Variants in PACSIN2 observed in about 807,000 individuals in gnomAD.
PACSIN2 encodes protein kinase C and casein kinase substrate in neurons protein 2.
Under a neutral mutation model 63.8 loss-of-function variants are expected in PACSIN2, and 25 were observed. The ratio of observed to expected loss-of-function variants is 0.39; its 90% confidence interval spans 0.29 to 0.55. The LOEUF is 0.55. Among genes scored for constraint, PACSIN2 ranks in the 20% least tolerant of loss-of-function variants. The pLI is 0.62. For missense variants in PACSIN2, 518 were observed against 646.9 expected, an observed-to-expected ratio of 0.80 and a Z score of 2.16; for synonymous variants, 255 against 256.2, an observed-to-expected ratio of 1.00 and a Z score of 0.05.
chr22:42,872,835 C>G (rs1157413998), intron 10 of PACSIN2, among the ~76,000 whole-genome samples: 2 of 152,282 alleles, frequency 1.3e-5, no homozygotes, highest in Non-Finnish European at 2.9e-5. Flanking sequence ...AGATCTAACC[C>G]AGAGGCATCA....
At chr22:43,000,289 T>C (rs1157503885) in intron 1 of PACSIN2, among the ~76,000 whole-genome samples, 1 of 152,114 alleles carries the variant, frequency 6.6e-6, no homozygotes, top group African/African-American at 2.4e-5. Context: ...AGGGAGTGGG[T>C]AGCAGGGCTT....
At chr22:42,991,708 G>A (rs2146904285) in intron 1 of PACSIN2, among the ~76,000 whole-genome samples, 1 of 151,114 alleles carries the variant, frequency 6.6e-6, no homozygotes, top group South Asian at 2.1e-4. Flanking sequence ...CAAGGGCTCA[G>A]AACCACAATT....
At chr22:42,899,327 C>T (rs1265026255) in intron 2 of PACSIN2, among the ~76,000 whole-genome samples, 1 of 151,994 alleles carries the variant, frequency 6.6e-6, no homozygotes, top group East Asian at 1.9e-4. Context: ...AGCTCTGTTG[C>T]CCAAGCTGAA....
Position 42,971,783 on chromosome 22 carries a change from C to T in PACSIN2, c.-78+43238G>A, listed in dbSNP as rs535618983. 2.6e-5 allele frequency among the ~76,000 whole-genome samples: 4 copies of T among 151,460 alleles called. No homozygotes were observed. In the East Asian group the frequency reaches 5.8e-4, roughly 22 times the overall value. Reference sequence around the variant, plus strand: ...GGGGTAGCCCCCGCCCGGCCAGCCGCCCCATCCGGGAGGGAGGTGGGGGGC... The same window carrying T: ...GGGGTAGCCCCCGCCCGGCCAGCCGTCCCATCCGGGAGGGAGGTGGGGGGC... On this transcript the variant is annotated intron_variant, in intron 1 of 10. Transcript: ENST00000263246.
chr22:42,986,047 A>AACAAC (rs1344283717), intron 1 of PACSIN2, among the ~76,000 whole-genome samples: 3 of 152,174 alleles, frequency 2.0e-5, no homozygotes, highest in Admixed American at 2.0e-4. Context: ...TGACTTTCCA[A>AACAAC]ACAACGATCC....
chr22:42,913,119 C>T (rs1422389523), intron 1 of PACSIN2, among the ~76,000 whole-genome samples: 1 of 152,184 alleles, frequency 6.6e-6, no homozygotes, highest in African/African-American at 2.4e-5. Context: ...AGACCCATTA[C>T]TTATGAGGTG....
At position 42,949,704 on chromosome 22, in the gene PACSIN2, ACT is replaced by A. The variant is rs547280326; in HGVS notation, c.-77-37549_-77-37548del. 1.0e-4 allele frequency among the ~76,000 whole-genome samples: 15 copies of A among 148,546 alleles called. No individual in the cohort carries two copies. The South Asian group carries it at 2.3e-3, about 23-fold the overall frequency. On this transcript the variant is annotated intron_variant, in intron 1 of 10. Coordinates refer to ENST00000263246, the MANE Select transcript of PACSIN2 (RefSeq NM_001184970.3). ...CACTCACACACACACACTCACACAC[ACT>A]CTCTCACACACACACACACAGGCAG...
In PACSIN2 at chr22:43,012,154, A is replaced by AATAAATAAATAC. The variant is rs766579102; in HGVS notation, c.-78+2866_-78+2867insGTATTTATTTAT. On this transcript the variant is annotated intron_variant, in intron 1 of 10. Coordinates refer to ENST00000263246, the MANE Select transcript of PACSIN2 (RefSeq NM_001184970.3). Reference sequence around the variant, plus strand: ...GCGAGACTCTGTCTCAAAATAAATAAATACATACATACATACATACATACA... The same window carrying AATAAATAAATAC: ...GCGAGACTCTGTCTCAAAATAAATAAATAAATAAATACATACATACATACATACATACATACA... Among the ~76,000 whole-genome samples, 6 of 134,006 alleles carry AATAAATAAATAC rather than the reference A, an allele frequency of 4.5e-5. No homozygotes were observed. In the East Asian group the frequency reaches 1.1e-3, roughly 25 times the overall value. 87.9% of individuals were successfully genotyped at this position (134,006 alleles called of 152,430 possible).
intron 2 of PACSIN2, among the ~76,000 whole-genome samples, chr22:42,899,085 C>A (rs1379859439): frequency 2.0e-5 from 3 of 152,160 alleles, no homozygotes; most frequent in African/African-American, 7.2e-5. Context: ...GTGCTCCCAA[C>A]CCCTAATACC....
intron 1 of PACSIN2, among the ~76,000 whole-genome samples, chr22:42,991,430 T>C (rs1923032390): frequency 6.6e-6 from 1 of 152,134 alleles, no homozygotes; most frequent in South Asian, 2.1e-4. Context: ...CACAGAAGGC[T>C]TCTTCTCCCT....
intron 1 of PACSIN2, among the ~76,000 whole-genome samples, chr22:42,985,507 C>T (rs1349482684): frequency 6.6e-6 from 1 of 152,232 alleles, no homozygotes; most frequent in Non-Finnish European, 1.5e-5. Context: ...AGGTCTAGGT[C>T]CAGGAGTGTC....
At chr22:42,939,376 A>T (rs1174367163) in intron 1 of PACSIN2, among the ~76,000 whole-genome samples, 1 of 152,244 alleles carries the variant, frequency 6.6e-6, no homozygotes, top group Non-Finnish European at 1.5e-5. Context: ...AAGGACAAAA[A>T]TGACACTTTT....
rs183765623 is a variant in PACSIN2 at position 42,952,743 on chromosome 22, A to G, written c.-77-40586T>C. Among the ~76,000 whole-genome samples, 746 of 149,050 alleles carry G rather than the reference A, an allele frequency of 5.0e-3. 4 individuals carry two copies. Among genetic ancestry groups the G allele is most frequent in the Middle Eastern group, 0.022 (6 of 278 alleles). ...AGTGGAGCGATCTCGGCTCACTACA[A>G]TCTCTGCCTCCCAGGTTCAAGCAAT... On this transcript the variant is annotated intron_variant, in intron 1 of 10. Transcript: ENST00000263246.
intron 1 of PACSIN2, among the ~76,000 whole-genome samples, chr22:42,961,191 C>T (rs1295006423): frequency 1.3e-5 from 2 of 152,228 alleles, no homozygotes; most frequent in African/African-American, 4.8e-5. Context: ...TACCAGTGTT[C>T]TTGCTACTCA....
rs530549419 is a variant in PACSIN2 at position 42,894,280 on chromosome 22, C to T, written c.61-667G>A. Among the ~76,000 whole-genome samples, 3 of 151,620 alleles carry T rather than the reference C, an allele frequency of 2.0e-5. No homozygotes were observed. The South Asian group carries it at 6.2e-4, about 32-fold the overall frequency. On this transcript the variant is annotated intron_variant, in intron 2 of 10. Coordinates refer to ENST00000263246, the MANE Select transcript of PACSIN2 (RefSeq NM_001184970.3). ...TTTTTTTGAGACACAGTCTCGCTGT[C>T]GTCAGGCTGGAGTGCAGTGGCACGA... is the stretch of plus-strand genomic sequence containing the variant.
chr22:42,902,845 C>T (rs1038766858), intron 2 of PACSIN2, among the ~76,000 whole-genome samples: 1 of 152,202 alleles, frequency 6.6e-6, no homozygotes, highest in Non-Finnish European at 1.5e-5. Context: ...AACTCCTGAC[C>T]TCAAGTGATC....
chr22:42,956,395 T>C (rs1933918027), intron 1 of PACSIN2, among the ~76,000 whole-genome samples: 3 of 152,184 alleles, frequency 2.0e-5, no homozygotes, highest in Admixed American at 1.3e-4. Flanking sequence ...TGTTACTTGG[T>C]GTCAAGGCAG....
At chr22:43,001,659 G>A (rs1296047234) in intron 1 of PACSIN2, among the ~76,000 whole-genome samples, 1 of 152,196 alleles carries the variant, frequency 6.6e-6, no homozygotes, top group African/African-American at 2.4e-5. Flanking sequence ...CTACCTTCCT[G>A]GGTAGTCAAG....
rs529306323 is a variant in PACSIN2 at position 42,880,887 on chromosome 22, G to A, written c.906+1297C>T. Among the ~76,000 whole-genome samples, 23 of 152,310 alleles carry A rather than the reference G, an allele frequency of 1.5e-4. 1 individual carries two copies. The highest frequency in any genetic ancestry group is 5.2e-4 in the Admixed American group (8 of 15,296). On this transcript the variant is annotated intron_variant, in intron 7 of 10. Transcript: ENST00000263246. ...CACAGGTGGTTTCCTGTGCCACTCCGGGAGCAGCAAATCCTCGCTGTGTCT... is the reference window on the plus strand; with the variant it reads ...CACAGGTGGTTTCCTGTGCCACTCCAGGAGCAGCAAATCCTCGCTGTGTCT...
Sources: gnomAD v4.1 joint callset for allele counts (sites outside exome capture counted in the v4.1 genomes callset) on GRCh38, gnomAD v4.1.1 for gene constraint, MANE v1.5 for transcripts, NCBI Gene and HGNC (gene_info 2026-07-23, HGNC 2026-07-21) for gene names.